STK11: variants seen among roughly 807,000 people sequenced by gnomAD.
The protein encoded by STK11 is serine/threonine-protein kinase STK11.
Under a neutral mutation model 47.3 loss-of-function variants are expected in STK11, and 8 were observed. The observed-to-expected ratio is 0.17, with a 90% CI of 0.10 to 0.31. The LOEUF is 0.31. Ranked by LOEUF, STK11 falls within the 10% of genes least tolerant of loss-of-function variation. The probability of loss-of-function intolerance (pLI) is 1.00; values close to 1 mark genes in which losing one functional copy is unlikely to be tolerated. For missense variants in STK11, 475 were observed against 605.0 expected (o/e 0.79, Z 2.25); for synonymous variants, 330 against 255.8 (o/e 1.29, Z -2.77).
rs2080819323 is a variant in STK11 at position 1,226,206 on chromosome 19, A to C, written c.1109-248A>C. 24 of 1,352,490 alleles carry C rather than the reference A, an allele frequency of 1.8e-5. No homozygotes were observed. In the South Asian group the frequency reaches 4.3e-4, roughly 24 times the overall value. 83.8% of individuals were successfully genotyped at this position (1,352,490 alleles called of 1,614,324 possible). A position where few individuals can be genotyped will look rare whatever the true frequency, so the allele number is the denominator to read the frequency against. ...GTGGGGTCCCACCTGCGGCCATGGCAGGTGCAACAGACGTGGTGGAGGGGA... is the reference window on the plus strand; with the variant it reads ...GTGGGGTCCCACCTGCGGCCATGGCCGGTGCAACAGACGTGGTGGAGGGGA... On this transcript the variant is annotated intron_variant, in intron 8 of 9. Coordinates refer to ENST00000326873, the MANE Select transcript of STK11 (RefSeq NM_000455.5).
chr19:1,211,182 G>T (rs1280139408), intron 1 of STK11, among the ~76,000 whole-genome samples: 1 of 152,272 alleles, frequency 6.6e-6, no homozygotes, highest in Non-Finnish European at 1.5e-5. Context: ...GCTGAAGCAA[G>T]GAGAATCGCT....
Position 1,206,797 on chromosome 19 carries a change from C to CTTTTTTTTTTTT in STK11, c.-107_-106insTTTTTTTTTTTT. On this transcript the variant is annotated 5_prime_UTR_variant, in exon 1 of 10. Transcript: ENST00000326873. ...CCCTTCCTTTTGGGGTTTTTGTTGC[C>CTTTTTTTTTTTT]TTTTTTTTTTCTTTTTTCTTTGTAA... 1 of 1,183,204 alleles carries CTTTTTTTTTTTT rather than the reference C, an allele frequency of 8.5e-7. No homozygotes were observed. The highest frequency in any genetic ancestry group is 1.1e-6 in the Non-Finnish European group (1 of 885,346). The allele number at this position is 1,183,204 out of a possible 1,614,324, so 73.3% of individuals were successfully genotyped here.
intron 6 of STK11, chr19:1,221,576 C>G: frequency 1.5e-6 from 1 of 652,592 alleles, no homozygotes; most frequent in Non-Finnish European, 2.6e-6. Context: ...CAGTGCTGCC[C>G]TGCGCCTCCC....
chr19:1,224,570 G>A (rs1210193781), intron 8 of STK11: 8 of 985,402 alleles, frequency 8.1e-6, no homozygotes, highest in Non-Finnish European at 9.6e-6. Flanking sequence ...CTACTGGGAC[G>A]TGGACCACAC....
intron 8 of STK11, chr19:1,224,919 T>G (rs1422446129): frequency 2.0e-6 from 2 of 985,518 alleles, no homozygotes; most frequent in Non-Finnish European, 2.4e-6. Flanking sequence ...GTCCCTGACC[T>G]GCAGAGCCCC....
At chr19:1,225,322 G>A in intron 8 of STK11, 2 of 977,380 alleles carry the variant, frequency 2.0e-6, no homozygotes, top group Non-Finnish European at 2.4e-6. Flanking sequence ...GCCCAGGCTG[G>A]AGTGCTGTGG....
At chr19:1,224,952 C>T (rs974118375) in intron 8 of STK11, 17 of 985,432 alleles carry the variant, frequency 1.7e-5, no homozygotes, top group South Asian at 9.4e-5. Context: ...CAGGACAGCC[C>T]GGCGCCCTCG....
intron 1 of STK11, among the ~76,000 whole-genome samples, chr19:1,216,965 C>T (rs2080748943): frequency 1.3e-5 from 2 of 151,816 alleles, no homozygotes; most frequent in Admixed American, 6.6e-5. Flanking sequence ...TTGTTGAGTG[C>T]GTGGATGGGC....
chr19:1,226,671 G>C lies in STK11; in HGVS notation c.*16+8G>C. On this transcript the variant is annotated splice_region_variant and intron_variant, in intron 9 of 9. Coordinates refer to ENST00000326873, the MANE Select transcript of STK11 (RefSeq NM_000455.5). ...GAGGCTGGCCGCCTGCAGGTGGGGC[G>C]CGGCGGGGCCCGGGTGGGGCATGTG... is the stretch of plus-strand genomic sequence containing the variant. 3 of 1,492,044 alleles carry C rather than the reference G, an allele frequency of 2.0e-6. No homozygotes were observed. The highest frequency in any genetic ancestry group is 2.7e-6 in the Non-Finnish European group (3 of 1,125,260). 92.4% of individuals were successfully genotyped at this position (1,492,044 alleles called of 1,614,324 possible). A position where few individuals can be genotyped will look rare whatever the true frequency, so the allele number is the denominator to read the frequency against.
rs764244639 is a variant in STK11 at position 1,220,600 on chromosome 19, C to T, written c.617C>T (p.Ala206Val). ...CCACAGGCACTGCACCCGTTCGCGGCGGACGACACCTGCCGGACCAGCCAG... is the reference window on the plus strand; with the variant it reads ...CCACAGGCACTGCACCCGTTCGCGGTGGACGACACCTGCCGGACCAGCCAG... ...GVAEALHPFA[A>V]DDTCRTSQGS... The change falls in exon 5 of 10, where the codon GCG (alanine) becomes GTG (valine). Residue 206 changes from alanine to valine, a missense_variant. By Grantham distance (64) the Ala-to-Val change is moderately conservative (BLOSUM62 0). Coordinates refer to ENST00000326873, the MANE Select transcript of STK11 (RefSeq NM_000455.5). The T allele has an allele frequency of 6.9e-6, 11 of 1,591,648 alleles. No homozygotes were observed. The highest frequency in any genetic ancestry group is 4.6e-5 in the East Asian group (2 of 43,806).
chr19:1,219,250 C>T, intron 2 of STK11, 74 bp from the exon 3 acceptor site: 1 of 1,520,164 alleles, frequency 6.6e-7, no homozygotes, highest in Non-Finnish European at 8.9e-7. Flanking sequence ...CTCCAGAGCC[C>T]CTTTTCTGGC....
intron 8 of STK11, 105 bp from the exon 9 acceptor site, chr19:1,226,334 GGGGCGGGCATGGCCT>G: frequency 6.7e-7 from 1 of 1,498,542 alleles, no homozygotes; most frequent in Non-Finnish European, 8.9e-7. Flanking sequence ...GCCTGACCCG[GGGGCGGGCATGGCCT>G]GGGCAGCAGC....
intron 7 of STK11, 110 bp from the exon 8 acceptor site, chr19:1,222,875 C>A: frequency 7.7e-7 from 1 of 1,301,360 alleles, no homozygotes; most frequent in Non-Finnish European, 1.0e-6. Flanking sequence ...ACGGCCTGGT[C>A]CCAGCTCCTG....
chr19:1,221,813 G>A lies in STK11; in HGVS notation c.863-136G>A, dbSNP rs569870202. 82 of 961,588 alleles carry A rather than the reference G, an allele frequency of 8.5e-5. No individual in the cohort carries two copies. The African/African-American group carries it at 1.0e-3, about 12-fold the overall frequency. The allele number at this position is 961,588 out of a possible 1,614,324, so 59.6% of individuals were successfully genotyped here. A position where few individuals can be genotyped will look rare whatever the true frequency, so the allele number is the denominator to read the frequency against. On this transcript the variant is annotated intron_variant, in intron 6 of 9. Coordinates refer to ENST00000326873, the MANE Select transcript of STK11 (RefSeq NM_000455.5). ...TGGAGTGGCCTCTGTCAGGGAGACC[G>A]CCTGTGCGCGGGGTCCCCCTTAGGA...
chr19:1,214,901 C>T (rs938559213), intron 1 of STK11, among the ~76,000 whole-genome samples: 1 of 152,240 alleles, frequency 6.6e-6, no homozygotes, highest in Non-Finnish European at 1.5e-5. Flanking sequence ...GGTGGAGCAT[C>T]AGGCTCTTGG....
In STK11 at chr19:1,223,128, A is replaced by G. The variant is rs2145431301; in HGVS notation, c.1064A>G (p.Asp355Gly). 6.2e-7 allele frequency: 1 copy of G among 1,611,930 alleles called. No homozygotes were observed. The highest frequency in any genetic ancestry group is 8.5e-7 in the Non-Finnish European group (1 of 1,179,588). The change falls in exon 8 of 10, where the codon GAC becomes GGC. Residue 355 changes from aspartate (D) to glycine (G), a missense_variant. Coordinates refer to ENST00000326873, the MANE Select transcript of STK11 (RefSeq NM_000455.5). Reference protein sequence around the residue: ...HGADEDEDLFDIEDDIIYTQD... With the variant: ...HGADEDEDLFGIEDDIIYTQD... ...GCGGACGAGGACGAGGACCTCTTCG[A>G]CATCGAGGATGACATCATCTACACT... is the stretch of plus-strand genomic sequence containing the variant.
At position 1,206,222 on chromosome 19, in the gene STK11, C is replaced by T. The variant is rs1599913918; in HGVS notation, c.-692C>T. 2.7e-5 allele frequency: 5 copies of T among 184,272 alleles called. No homozygotes were observed. The highest frequency in any genetic ancestry group is 4.7e-5 in the African/African-American group (2 of 42,640). The allele number at this position is 184,272 out of a possible 1,614,324, so 11.4% of individuals were successfully genotyped here. The stretch of plus-strand genomic sequence containing the variant: ...AGTGCGGGCCCTCGCGGGCGCCGGG[C>T]AGCGACCAGCCCTGAGCGGAGCTGT... On this transcript the variant is annotated 5_prime_UTR_variant, in exon 1 of 10. The change creates a premature stop within an existing upstream ORF in the 5' untranslated region. Coordinates refer to ENST00000326873, the MANE Select transcript of STK11 (RefSeq NM_000455.5).
chr19:1,207,056 A>C lies in STK11; in HGVS notation c.143A>C (p.Lys48Thr), dbSNP rs766776431. ...PRRKRAKLIGKYLMGDLLGEG... is the reference protein window; with the variant it reads ...PRRKRAKLIGTYLMGDLLGEG... ...CGCAAGCGGGCCAAGCTCATCGGCA[A>C]GTACCTGATGGGGGACCTGCTGGGG... Residue 48 changes from lysine (K) to threonine (T), a missense_variant, in exon 1 of 10, where the codon AAG (lysine) becomes ACG (threonine). Physicochemically the swap from Lys to Thr is moderately conservative, Grantham distance 78 (BLOSUM62 -1). Coordinates refer to ENST00000326873, the MANE Select transcript of STK11 (RefSeq NM_000455.5). 6.2e-7 allele frequency: 1 copy of C among 1,613,822 alleles called. No homozygotes were observed. Among genetic ancestry groups the C allele is most frequent in the African/African-American group, 1.3e-5 (1 of 74,926 alleles).
chr19:1,218,327 C>A, intron 1 of STK11, 90 bp from the exon 2 acceptor site: 2 of 1,071,290 alleles, frequency 1.9e-6, no homozygotes, highest in Non-Finnish European at 1.4e-6. Context: ...TACGCCACTT[C>A]CACAGGGAGA....
Sources: gnomAD v4.1 joint callset for allele counts (sites outside exome capture counted in the v4.1 genomes callset) on GRCh38, gnomAD v4.1.1 for gene constraint, MANE v1.5 for transcripts, NCBI Gene and HGNC (gene_info 2026-07-23, HGNC 2026-07-21) for gene names.